Variants in SQOR observed in about 807,000 individuals in gnomAD.
SQOR encodes sulfide quinone oxidoreductase, also known as sulfide:quinone oxidoreductase, mitochondrial.
SQOR carries 39 observed loss-of-function variants against 48.6 expected under a neutral mutation model. The observed-to-expected ratio is 0.80, with a 90% CI of 0.62 to 1.05. SQOR has a LOEUF of 1.05. Ranked by LOEUF, SQOR falls within the 50% of genes least tolerant of loss-of-function variation. SQOR has a pLI of 0.00. For synonymous variants in SQOR, 220 were observed against 206.2 expected (o/e 1.07, Z -0.57); for missense variants, 561 against 559.9 (o/e 1.00, Z -0.02).
At chr15:45,637,461 A>G (rs1040561734) in intron 1 of SQOR, among the ~76,000 whole-genome samples, 6 of 152,062 alleles carry the variant, frequency 3.9e-5, no homozygotes, top group Non-Finnish European at 8.8e-5. Context: ...GGAGGTACTC[A>G]TTATTTATTG....
intron 9 of SQOR, 111 bp downstream of exon 9, chr15:45,689,328 T>C (rs1890280320): frequency 9.6e-7 from 1 of 1,037,252 alleles, no homozygotes; most frequent in Non-Finnish European, 1.4e-6. Context: ...GTGTTCTGTC[T>C]TCCATGCTCT....
chr15:45,648,283 TTC>T (rs1043577185), intron 1 of SQOR, among the ~76,000 whole-genome samples: 1 of 152,056 alleles, frequency 6.6e-6, no homozygotes, highest in Non-Finnish European at 1.5e-5. Flanking sequence ...GTTCAAGCGA[TTC>T]TCATGCTTCA....
intron 7 of SQOR, among the ~76,000 whole-genome samples, chr15:45,685,659 AC>A (rs1409191162): frequency 6.6e-6 from 1 of 152,120 alleles, no homozygotes; most frequent in African/African-American, 2.4e-5. Context: ...CTGTGGTGGC[AC>A]CCACTGGATG....
chr15:45,689,232 T>C lies in SQOR; in HGVS notation c.1295+15T>C. ...ATGATGCTAAGGTAAGTGCACTGCCTGGTTCCTGGATGAGGAAAGGGATTT... is the reference window on the plus strand; with the variant it reads ...ATGATGCTAAGGTAAGTGCACTGCCCGGTTCCTGGATGAGGAAAGGGATTT... On this transcript the variant is annotated intron_variant, in intron 9 of 9. Coordinates refer to ENST00000260324, the MANE Select transcript of SQOR (RefSeq NM_021199.4). 6.2e-7 allele frequency: 1 copy of C among 1,612,532 alleles called. No homozygotes were observed. Among genetic ancestry groups the C allele is most frequent in the Admixed American group, 1.7e-5 (1 of 59,834 alleles).
At chr15:45,662,204 T>C (rs1595501027) in intron 3 of SQOR, 79 bp downstream of exon 3, 2 of 1,510,466 alleles carry the variant, frequency 1.3e-6, no homozygotes, top group East Asian at 2.3e-5. Flanking sequence ...TGGATAGCCT[T>C]GTGTTGAAAG....
At chr15:45,689,386 C>A in intron 9 of SQOR, 169 bp downstream of exon 9, 4 of 543,626 alleles carry the variant, frequency 7.4e-6, no homozygotes, top group Non-Finnish European at 1.3e-5. Flanking sequence ...ATCACTTTCA[C>A]ATACCAAGTA....
chr15:45,673,246 A>G (rs1415482904), intron 4 of SQOR, among the ~76,000 whole-genome samples: 1 of 152,188 alleles, frequency 6.6e-6, no homozygotes, highest in African/African-American at 2.4e-5. Flanking sequence ...TGATGATATA[A>G]ATGGCTCTTG....
At chr15:45,671,790 G>A (rs1396137153) in intron 4 of SQOR, among the ~76,000 whole-genome samples, 4 of 152,110 alleles carry the variant, frequency 2.6e-5, no homozygotes, top group Admixed American at 2.6e-4. Flanking sequence ...GCTTCACAGG[G>A]TCTCTGCAGC....
intron 1 of SQOR, among the ~76,000 whole-genome samples, chr15:45,651,937 G>A (rs1449673040): frequency 6.6e-6 from 1 of 151,702 alleles, no homozygotes; most frequent in Non-Finnish European, 1.5e-5. Flanking sequence ...TGCCCAGGCT[G>A]GAGTGCAGTG....
chr15:45,640,197 C>T (rs560620116), intron 1 of SQOR, among the ~76,000 whole-genome samples: 1 of 152,220 alleles, frequency 6.6e-6, no homozygotes, highest in African/African-American at 2.4e-5. Context: ...AAATTCACAT[C>T]TCTGATCAAT....
chr15:45,648,072 G>T (rs1889379998), intron 1 of SQOR, among the ~76,000 whole-genome samples: 1 of 152,252 alleles, frequency 6.6e-6, no homozygotes, highest in East Asian at 1.9e-4. Flanking sequence ...TGTAAAATGG[G>T]GATTTTATTT....
chr15:45,655,967 G>A (rs774062467), intron 1 of SQOR, among the ~76,000 whole-genome samples: 1 of 151,310 alleles, frequency 6.6e-6, no homozygotes, highest in African/African-American at 2.4e-5. Context: ...TTACAGGCGT[G>A]AGCCACCGTG....
At position 45,676,058 on chromosome 15, in the gene SQOR, T is replaced by C. The variant is rs553961032; in HGVS notation, c.655-43T>C. ...CTGGATTAAAAAAAAAAAAGGCAGC[T>C]GCAGTCATGCTTTGGTGTGAATGGT... is the stretch of plus-strand genomic sequence containing the variant. On this transcript the variant is annotated intron_variant, in intron 5 of 9. Coordinates refer to ENST00000260324, the MANE Select transcript of SQOR (RefSeq NM_021199.4). 3.9e-6 allele frequency: 6 copies of C among 1,537,368 alleles called. No individual in the cohort carries two copies. The South Asian group carries it at 4.8e-5, about 12-fold the overall frequency.
intron 1 of SQOR, among the ~76,000 whole-genome samples, chr15:45,640,155 G>C (rs62025226): frequency 1.3e-5 from 2 of 152,218 alleles, no homozygotes; most frequent in African/African-American, 4.8e-5. Context: ...TTCCAGACCT[G>C]CTTATTAAAG....
At chr15:45,667,941 CTTTTTTTTTTT>C (rs1204451548) in intron 3 of SQOR, among the ~76,000 whole-genome samples, 12 of 103,278 alleles carry the variant, frequency 1.2e-4, no homozygotes, top group African/African-American at 2.5e-4. Context: ...TTCTTTCTTT[CTTTTTTTTTTT>C]TTTTTTTTTT....
intron 1 of SQOR, among the ~76,000 whole-genome samples, chr15:45,642,204 C>T (rs1895116384): frequency 6.6e-6 from 1 of 152,180 alleles, no homozygotes; most frequent in South Asian, 2.1e-4. Context: ...CTCTCACTGC[C>T]ATTAGCAGTA....
upstream of SQOR, among the ~76,000 whole-genome samples, chr15:45,633,693 C>CAAAAAAAAA: frequency 1.3e-5 from 1 of 77,546 alleles, no homozygotes; most frequent in Non-Finnish European, 2.7e-5. Flanking sequence ...GACTTCGCCT[C>CAAAAAAAAA]AAAAAAAAAA....
rs576469179 is a variant in SQOR at position 45,636,694 on chromosome 15, G to A, written c.-18+1586G>A. Among the ~76,000 whole-genome samples, 40 of 152,178 alleles carry A rather than the reference G, an allele frequency of 2.6e-4. 1 individual carries two copies. The South Asian group carries it at 7.7e-3, about 29-fold the overall frequency. On this transcript the variant is annotated intron_variant, in intron 1 of 9. Coordinates refer to ENST00000260324, the MANE Select transcript of SQOR (RefSeq NM_021199.4). The stretch of plus-strand genomic sequence containing the variant: ...TGGGATTACAGGCATGAGCCACTGC[G>A]CACGGCCAATATCTGTGATTTCTAT...
At chr15:45,686,015 A>G (rs1368829347) in intron 7 of SQOR, among the ~76,000 whole-genome samples, 1 of 126,918 alleles carries the variant, frequency 7.9e-6, no homozygotes, top group Non-Finnish European at 1.5e-5. Flanking sequence ...ATACCCAGCT[A>G]ATTTTTAAGT....
Sources: gnomAD v4.1 joint callset for allele counts (sites outside exome capture counted in the v4.1 genomes callset) on GRCh38, gnomAD v4.1.1 for gene constraint, MANE v1.5 for transcripts, NCBI Gene and HGNC (gene_info 2026-07-23, HGNC 2026-07-21) for gene names.